CEP104: variants seen among roughly 807,000 people sequenced by gnomAD.
CEP104 encodes the protein centrosomal protein 104.
A neutral mutation model predicts 113.3 loss-of-function variants in CEP104; 84 were observed. The ratio of observed to expected loss-of-function variants is 0.74; its 90% CI spans 0.62 to 0.89. The LOEUF (loss-of-function observed/expected upper bound fraction) is 0.89, where lower values mean the gene tolerates loss of function less well. Ranked by LOEUF, CEP104 falls within the 40% of genes least tolerant of loss-of-function variation. CEP104 has a pLI of 0.00. For synonymous variants in CEP104, 378 were observed against 421.7 expected, an observed-to-expected ratio of 0.90 and a Z score of 1.27; for missense variants, 1,053 against 1,156.6, an observed-to-expected ratio of 0.91 and a Z score of 1.30.
At chr1:3,832,392 TCG>T (rs1644228716) in intron 12 of CEP104, among the ~76,000 whole-genome samples, 3 of 121,578 alleles carry the variant, frequency 2.5e-5, no homozygotes, top group African/African-American at 6.3e-5. Context: ...GTAGCGTAGG[TCG>T]TGACCAGGAG....
At chr1:3,843,046 C>A (rs545844477) in intron 6 of CEP104, 17 of 494,446 alleles carry the variant, frequency 3.4e-5, no homozygotes, top group Non-Finnish European at 5.2e-5. Flanking sequence ...ACTCAGCCTC[C>A]CAAAGTGCTG....
chr1:3,852,402 G>T lies in CEP104; in HGVS notation c.6C>A (p.Pro2=). 6.2e-7 allele frequency: 1 copy of T among 1,613,714 alleles called. No individual in the cohort carries two copies. Among genetic ancestry groups the T allele is most frequent in the Non-Finnish European group, 8.5e-7 (1 of 1,179,852 alleles). M[P]HKIGFVVVSS... ...TGACGACTACAAATCCAATCTTGTG[G>T]GGCATTCTGCACGTTTGGGCTGTTT... is the stretch of plus-strand genomic sequence containing the variant. The change falls in exon 2 of 22, where the codon CCC becomes CCA. Residue 2 remains proline (P), a synonymous_variant. Coordinates refer to ENST00000378230, the MANE Select transcript of CEP104 (RefSeq NM_014704.4).
chr1:3,830,442 C>T (rs1644181476), intron 13 of CEP104, among the ~76,000 whole-genome samples: 2 of 152,158 alleles, frequency 1.3e-5, no homozygotes, highest in South Asian at 4.1e-4. Flanking sequence ...GGGGCTTCAA[C>T]CTGTACCTGA....
At chr1:3,836,117 T>C (rs928673522) in intron 10 of CEP104, among the ~76,000 whole-genome samples, 18 of 151,680 alleles carry the variant, frequency 1.2e-4, no homozygotes, top group Admixed American at 7.9e-4. Context: ...CTGGCTAACG[T>C]GGTGAAACTC....
intron 4 of CEP104, 43 bp from the exon 5 acceptor site, chr1:3,845,394 G>A (rs558787021): frequency 2.9e-6 from 4 of 1,362,162 alleles, no homozygotes; most frequent in African/African-American, 2.9e-5. Flanking sequence ...TACAATGTTT[G>A]AAATGACTTA....
chr1:3,846,258 G>A (rs1470057961), intron 4 of CEP104, among the ~76,000 whole-genome samples: 1 of 152,170 alleles, frequency 6.6e-6, no homozygotes, highest in African/African-American at 2.4e-5. Context: ...CAGTTGGTGA[G>A]TCTCACCTGA....
intron 18 of CEP104, among the ~76,000 whole-genome samples, chr1:3,825,196 C>T (rs2124646416): frequency 6.6e-6 from 1 of 152,134 alleles, no homozygotes; most frequent in South Asian, 2.1e-4. Context: ...GGCAGTGGTG[C>T]CCAGGCACAA....
At chr1:3,851,144 T>A (rs1053018802) in intron 2 of CEP104, among the ~76,000 whole-genome samples, 1 of 152,060 alleles carries the variant, frequency 6.6e-6, no homozygotes, top group Non-Finnish European at 1.5e-5. Flanking sequence ...GCCTGGGCAG[T>A]ATCAGGACGC....
intron 4 of CEP104, among the ~76,000 whole-genome samples, chr1:3,846,729 T>A (rs760504338): frequency 6.6e-6 from 1 of 152,202 alleles, no homozygotes; most frequent in Admixed American, 6.5e-5. Flanking sequence ...TGCGCTCTTG[T>A]CCAGCTCACC....
At chr1:3,838,556 C>T (rs1292259156) in intron 8 of CEP104, among the ~76,000 whole-genome samples, 1 of 152,198 alleles carries the variant, frequency 6.6e-6, no homozygotes, top group East Asian at 1.9e-4. Context: ...AAATCAGAGG[C>T]AGAGCACCTT....
chr1:3,821,095 C>T (rs1304906578), intron 20 of CEP104, among the ~76,000 whole-genome samples: 4 of 152,226 alleles, frequency 2.6e-5, no homozygotes, highest in Admixed American at 6.5e-5. Flanking sequence ...GCATGAGGCC[C>T]CCAGCGCTGT....
At chr1:3,826,627 A>G in intron 16 of CEP104, 81 bp downstream of exon 16, 5 of 1,523,186 alleles carry the variant, frequency 3.3e-6, no homozygotes, top group East Asian at 2.3e-5. Context: ...CCGTTCCCAC[A>G]TGGAGCTTCC....
At chr1:3,816,947 G>T (rs1021331149) in intron 20 of CEP104, among the ~76,000 whole-genome samples, 2 of 152,252 alleles carry the variant, frequency 1.3e-5, no homozygotes, top group African/African-American at 4.8e-5. Context: ...AGCTCATCTC[G>T]TCCTCCTGTT....
chr1:3,852,161 T>C (rs904989596), intron 2 of CEP104, 134 bp downstream of exon 2: 3 of 763,786 alleles, frequency 3.9e-6, no homozygotes, highest in Non-Finnish European at 6.0e-6. Context: ...TGCCTGACAC[T>C]GCATGCTGAC....
At chr1:3,822,433 G>A (rs962903295) in intron 20 of CEP104, among the ~76,000 whole-genome samples, 4 of 152,344 alleles carry the variant, frequency 2.6e-5, no homozygotes, top group Middle Eastern at 3.4e-3. Flanking sequence ...GCCAGCAGCA[G>A]GACACAGTGA....
chr1:3,850,500 G>T (rs1466100589), intron 2 of CEP104, among the ~76,000 whole-genome samples: 1 of 152,164 alleles, frequency 6.6e-6, no homozygotes, highest in Non-Finnish European at 1.5e-5. Flanking sequence ...GAGGTCACAT[G>T]AACGGCACTG....
chr1:3,816,277 C>T lies in CEP104; in HGVS notation c.2662+3G>A, dbSNP rs749227509. On this transcript the variant is annotated splice_donor_region_variant and intron_variant, in intron 21 of 21. Coordinates refer to ENST00000378230, the MANE Select transcript of CEP104 (RefSeq NM_014704.4). ...ACACCTGCTCAGCGGCGCTGTCCCT[C>T]ACCTGGCTGCAGTGCCGGGGCCTTC... 2 of 1,551,262 alleles carry T rather than the reference C, an allele frequency of 1.3e-6. No individual in the cohort carries two copies. Among genetic ancestry groups the T allele is most frequent in the South Asian group, 2.4e-5 (2 of 84,026 alleles).
At chr1:3,828,565 G>A (rs1049884265) in intron 15 of CEP104, among the ~76,000 whole-genome samples, 1 of 152,092 alleles carries the variant, frequency 6.6e-6, no homozygotes, top group Non-Finnish European at 1.5e-5. Flanking sequence ...ATAGCTCTGC[G>A]TGCACTGTGC....
chr1:3,848,254 C>T lies in CEP104; in HGVS notation c.287+354G>A, dbSNP rs115367019. ...ATTCATTTTTAAGAGCTTTCAGGGCCGAGCGCGGTGACTCACGCCTGTAAT... is the reference window on the plus strand; with the variant it reads ...ATTCATTTTTAAGAGCTTTCAGGGCTGAGCGCGGTGACTCACGCCTGTAAT... On this transcript the variant is annotated intron_variant, in intron 3 of 21. Coordinates refer to ENST00000378230, the MANE Select transcript of CEP104 (RefSeq NM_014704.4). Among the ~76,000 whole-genome samples, 327 of 152,138 alleles carry T rather than the reference C, an allele frequency of 2.1e-3. 2 individuals are homozygous for T. The highest frequency in any genetic ancestry group is 7.4e-3 in the African/African-American group (309 of 41,500).
Sources: allele counts gnomAD v4.1 joint callset (sites outside exome capture counted in the v4.1 genomes callset), GRCh38; gene constraint gnomAD v4.1.1; transcripts MANE v1.5; gene names NCBI Gene and HGNC (gene_info 2026-07-23, HGNC 2026-07-21).